Variants in RAB11FIP4 observed in about 807,000 individuals in gnomAD.
RAB11FIP4 encodes rab11 family-interacting protein 4.
RAB11FIP4 carries 23 observed loss-of-function variants against 74.3 expected under a neutral mutation model. The ratio of observed to expected loss-of-function variants is 0.31; its 90% CI spans 0.22 to 0.44. The LOEUF (loss-of-function observed/expected upper bound fraction) is 0.44. Ranked by LOEUF, RAB11FIP4 falls within the 20% of genes least tolerant of loss-of-function variation. RAB11FIP4 has a pLI of 1.00. For missense variants in RAB11FIP4, 630 were observed against 863.9 expected (o/e 0.73, Z 3.39); for synonymous variants, 360 against 359.9 (o/e 1.00, Z 0.00).
Position 31,530,440 on chromosome 17 carries a change from G to A in RAB11FIP4, c.1768G>A (p.Ala590Thr). Residue 590 changes from alanine to threonine, a missense_variant, in exon 14 of 15, where the codon GCG becomes ACG. Ala to Thr is a moderately conservative substitution (Grantham distance 58). Coordinates refer to ENST00000621161, the MANE Select transcript of RAB11FIP4 (RefSeq NM_032932.6). ...AAQTKAQSLA[A>T]EIDTASRDEL... Reference sequence around the variant, plus strand: ...CCAGACTAAAGCCCAGTCTCTGGCTGCGGAGATAGACACCGCCTCGCGCGA... The same window carrying A: ...CCAGACTAAAGCCCAGTCTCTGGCTACGGAGATAGACACCGCCTCGCGCGA... 6.2e-7 allele frequency: 1 copy of A among 1,614,066 alleles called. No individual in the cohort carries two copies.
At chr17:31,518,576 G>C (rs142767845) in intron 4 of RAB11FIP4, 1 of 152,192 alleles carries the variant, frequency 6.6e-6, no homozygotes, top group Non-Finnish European at 1.5e-5. Context: ...GTGACCTCCC[G>C]GGAATGGGTC....
At chr17:31,490,758 TG>T (rs770926043) in intron 3 of RAB11FIP4, among the ~76,000 whole-genome samples, 2 of 152,182 alleles carry the variant, frequency 1.3e-5, no homozygotes, top group Non-Finnish European at 2.9e-5. Flanking sequence ...GGTTTTGCCA[TG>T]TTGTCCAGGC....
chr17:31,450,680 C>T (rs1397372375), intron 3 of RAB11FIP4, among the ~76,000 whole-genome samples: 1 of 152,052 alleles, frequency 6.6e-6, no homozygotes, highest in Non-Finnish European at 1.5e-5. Flanking sequence ...CCTGCCTGCC[C>T]ACTCCCCAGG....
At chr17:31,402,807 A>G (rs1157756410) in intron 1 of RAB11FIP4, among the ~76,000 whole-genome samples, 3 of 150,670 alleles carry the variant, frequency 2.0e-5, no homozygotes, top group South Asian at 2.1e-4. Flanking sequence ...TTGTATTTTT[A>G]GTAGAGACGG....
chr17:31,397,013 G>GGGTT (rs2070937867), intron 1 of RAB11FIP4, among the ~76,000 whole-genome samples: 1 of 152,134 alleles, frequency 6.6e-6, no homozygotes, highest in Admixed American at 6.5e-5. Flanking sequence ...AATGGCAAAG[G>GGGTT]GGTTGGGGTG....
At chr17:31,464,747 G>A (rs1365671902) in intron 3 of RAB11FIP4, among the ~76,000 whole-genome samples, 1 of 60,180 alleles carries the variant, frequency 1.7e-5, no homozygotes, top group African/African-American at 5.1e-5. Context: ...CACTGTGCCC[G>A]GCTTTTTTTT....
At chr17:31,440,856 C>CTG (rs2071401130) in intron 3 of RAB11FIP4, among the ~76,000 whole-genome samples, 1 of 152,160 alleles carries the variant, frequency 6.6e-6, no homozygotes, top group Non-Finnish European at 1.5e-5. Context: ...TTGTCAAGCT[C>CTG]TATTGCAAAT....
intron 7 of RAB11FIP4, 102 bp from the exon 8 acceptor site, chr17:31,523,410 C>G (rs2072704469): frequency 1.1e-6 from 1 of 916,662 alleles, no homozygotes; most frequent in Non-Finnish European, 1.8e-6. Context: ...CTTAAAGGGG[C>G]AGACCCCCTG....
intron 3 of RAB11FIP4, among the ~76,000 whole-genome samples, 171 bp from the exon 4 acceptor site, chr17:31,517,480 T>A (rs2072578942): frequency 6.6e-6 from 1 of 151,814 alleles, no homozygotes; most frequent in African/African-American, 2.4e-5. Context: ...GTATGAGAGG[T>A]CCCTGGGACT....
chr17:31,402,830 T>C lies in RAB11FIP4; in HGVS notation c.159+10819T>C, dbSNP rs373558605. ...TTAGTAGAGACGGGGTTTCACCGTG[T>C]TAGCCAGGATGGTCTCGATCTCCTG... On this transcript the variant is annotated intron_variant, in intron 1 of 14. Transcript: ENST00000621161. 3.3e-3 allele frequency among the ~76,000 whole-genome samples: 505 copies of C among 151,962 alleles called. 5 individuals carry two copies. Among genetic ancestry groups the C allele is most frequent in the African/African-American group, 7.2e-3 (299 of 41,442 alleles).
chr17:31,446,441 T>C (rs1186273549), intron 3 of RAB11FIP4, among the ~76,000 whole-genome samples: 3 of 152,088 alleles, frequency 2.0e-5, no homozygotes, highest in Admixed American at 2.0e-4. Context: ...ACTTTCTGGC[T>C]CCAGGAACAC....
At chr17:31,397,907 G>T (rs562142244) in intron 1 of RAB11FIP4, among the ~76,000 whole-genome samples, 1 of 149,062 alleles carries the variant, frequency 6.7e-6, no homozygotes, top group South Asian at 2.1e-4. Context: ...ACAGGCTCTC[G>T]CTTTGTAGCT....
intron 1 of RAB11FIP4, among the ~76,000 whole-genome samples, chr17:31,423,032 G>A (rs1043664048): frequency 6.7e-6 from 1 of 148,380 alleles, no homozygotes; most frequent in African/African-American, 2.5e-5. Flanking sequence ...CCATTCTCCT[G>A]CCTCAGCCTC....
At chr17:31,488,041 T>C in intron 3 of RAB11FIP4, 1 of 1,012,936 alleles carries the variant, frequency 9.9e-7, no homozygotes, top group Non-Finnish European at 1.2e-6. Flanking sequence ...CACCGCAGCT[T>C]GATACAAAGA....
intron 3 of RAB11FIP4, among the ~76,000 whole-genome samples, chr17:31,469,114 A>G (rs1314991483): frequency 6.6e-6 from 1 of 152,230 alleles, no homozygotes; most frequent in Non-Finnish European, 1.5e-5. Flanking sequence ...AGACATTTGC[A>G]GATTGCCCAA....
intron 3 of RAB11FIP4, among the ~76,000 whole-genome samples, chr17:31,483,647 A>G (rs924487113): frequency 1.3e-5 from 2 of 152,176 alleles, no homozygotes; most frequent in Non-Finnish European, 2.9e-5. Flanking sequence ...GTTTGAGAAC[A>G]ACTTGCCAGA....
chr17:31,475,136 A>C (rs1392134745), intron 3 of RAB11FIP4, among the ~76,000 whole-genome samples: 27 of 152,164 alleles, frequency 1.8e-4, no homozygotes, highest in Non-Finnish European at 4.4e-5. Context: ...GGAAGGGTCC[A>C]TCTGTGAATA....
chr17:31,522,496 G>A (rs970348272), intron 7 of RAB11FIP4, 101 bp downstream of exon 7: 5 of 1,177,442 alleles, frequency 4.2e-6, no homozygotes, highest in Non-Finnish European at 6.2e-6. Flanking sequence ...GTGCCCGCAT[G>A]TGGCTGAGTG....
At chr17:31,446,770 G>A (rs2071468711) in intron 3 of RAB11FIP4, among the ~76,000 whole-genome samples, 1 of 152,150 alleles carries the variant, frequency 6.6e-6, no homozygotes, top group Non-Finnish European at 1.5e-5. Flanking sequence ...GCCACTTGCT[G>A]GGACACCAGG....
Sources: gnomAD v4.1 joint callset for allele counts (sites outside exome capture counted in the v4.1 genomes callset) on GRCh38, gnomAD v4.1.1 for gene constraint, MANE v1.5 for transcripts, NCBI Gene and HGNC (gene_info 2026-07-23, HGNC 2026-07-21) for gene names.